The following HM13 variants were observed in gnomAD, a reference collection of about 807,000 sequenced individuals.
HM13 encodes histocompatibility minor 13, also known as signal peptide peptidase.
In HM13, 18 loss-of-function variants were observed where a neutral mutation model predicts 50.0. That is an observed-to-expected ratio of 0.36 (90% CI 0.25 to 0.53). The LOEUF (loss-of-function observed/expected upper bound fraction) is 0.53. HM13 is among the 20% of genes least tolerant of loss of function. The pLI is 0.90. For missense variants in HM13, 393 were observed against 552.4 expected (o/e 0.71, Z 2.89); for synonymous variants, 197 against 232.6 (o/e 0.85, Z 1.39).
intron 4 of HM13, 117 bp from the exon 5 acceptor site, chr20:31,548,912 C>T (rs112473950): frequency 3.3e-5 from 30 of 914,712 alleles, no homozygotes; most frequent in African/African-American, 4.9e-5. Flanking sequence ...GGCTTAGCCC[C>T]GCCAGCCTGT....
chr20:31,529,135 T>C (rs1442879317), intron 2 of HM13, among the ~76,000 whole-genome samples: 1 of 152,188 alleles, frequency 6.6e-6, no homozygotes, highest in Non-Finnish European at 1.5e-5. Flanking sequence ...TATTGTATTT[T>C]ATTTTTAGAG....
chr20:31,548,193 CAG>C (rs1317354951), intron 4 of HM13: 1 of 679,420 alleles, frequency 1.5e-6, no homozygotes, highest in Admixed American at 2.5e-5. Flanking sequence ...GAAAACAAAT[CAG>C]GGTGCTCTTA....
chr20:31,553,050 C>G (rs1416422914), intron 7 of HM13, among the ~76,000 whole-genome samples: 1 of 152,056 alleles, frequency 6.6e-6, no homozygotes, highest in Non-Finnish European at 1.5e-5. Flanking sequence ...GTAATCCCAG[C>G]ACTTTGGGAA....
intron 8 of HM13, among the ~76,000 whole-genome samples, chr20:31,558,269 C>A (rs564688396): frequency 3.3e-5 from 5 of 152,146 alleles, no homozygotes; most frequent in African/African-American, 4.8e-5. Context: ...TCCTGTGGAG[C>A]CTTCAAATAG....
intron 11 of HM13, 45 bp downstream of exon 11, chr20:31,566,340 C>T (rs373295891): frequency 2.4e-5 from 36 of 1,505,830 alleles, no homozygotes; most frequent in Admixed American, 1.3e-4. Flanking sequence ...CACCAGTGTG[C>T]CTGCTGGCAG....
chr20:31,554,776 G>A lies in HM13; in HGVS notation c.755G>A (p.Gly252Asp). The change falls in exon 8 of 13, where the codon GGC (glycine) becomes GAC (aspartate). Residue 252 changes from glycine to aspartate, a missense_variant. Transcript: ENST00000398174. ...LVFPQDLLEK[G>D]LEANNFAMLG... ...TTTCCCCAGGATCTGCTGGAGAAAG[G>A]CCTCGAAGCAAACAACTTTGCCATG... The A allele has an allele frequency of 6.2e-7, 1 of 1,614,178 alleles. No homozygotes were observed. Among genetic ancestry groups the A allele is most frequent in the Non-Finnish European group, 8.5e-7 (1 of 1,180,020 alleles).
At chr20:31,530,414 CT>C (rs11478596) in intron 2 of HM13, among the ~76,000 whole-genome samples, 43,332 of 143,356 alleles carry the variant, frequency 0.3, 9,818 homozygotes, top group African/African-American at 0.66. Flanking sequence ...TTCTTTCATT[CT>C]TTTTTTTTTT....
At chr20:31,563,751 G>A (rs1443153071) in intron 10 of HM13, among the ~76,000 whole-genome samples, 4 of 152,190 alleles carry the variant, frequency 2.6e-5, no homozygotes, top group Non-Finnish European at 2.9e-5. Context: ...AGACTTCTTT[G>A]TTCTCTGGCC....
intron 7 of HM13, among the ~76,000 whole-genome samples, chr20:31,551,156 T>C (rs981714449): frequency 5.9e-5 from 9 of 152,184 alleles, no homozygotes; most frequent in African/African-American, 2.2e-4. Flanking sequence ...GGTTGAACCA[T>C]TTCAGATATG....
rs896370398 is a variant in HM13 at position 31,516,637 on chromosome 20, G to T, written c.183+1903G>T. Among the ~76,000 whole-genome samples, 5 of 152,160 alleles carry T rather than the reference G, an allele frequency of 3.3e-5. No individual in the cohort carries two copies. In the East Asian group the frequency reaches 5.8e-4, roughly 18 times the overall value. ...CAGGTAAGCAGAGAGAGGTACGGAGGCAGGAGGCTACGAGGCAGTTCAGGA... is the reference window on the plus strand; with the variant it reads ...CAGGTAAGCAGAGAGAGGTACGGAGTCAGGAGGCTACGAGGCAGTTCAGGA... On this transcript the variant is annotated intron_variant, in intron 1 of 12. Coordinates refer to ENST00000398174, the MANE Select transcript of HM13 (RefSeq NM_178581.3).
intron 4 of HM13, 135 bp downstream of exon 4, chr20:31,545,170 C>T: frequency 2.8e-6 from 2 of 704,864 alleles, no homozygotes; most frequent in East Asian, 2.7e-5. Flanking sequence ...CCTGGATTCA[C>T]ATTCCAACTC....
At chr20:31,548,215 A>G (rs1983831029) in intron 4 of HM13, among the ~76,000 whole-genome samples, 1 of 152,190 alleles carries the variant, frequency 6.6e-6, no homozygotes, top group Admixed American at 6.5e-5. Flanking sequence ...ACCACAGATG[A>G]AAAAACAAAT....
intron 8 of HM13, among the ~76,000 whole-genome samples, chr20:31,555,949 G>C (rs1444035169): frequency 1.3e-5 from 2 of 151,940 alleles, no homozygotes; most frequent in Non-Finnish European, 2.9e-5. Flanking sequence ...CAGCTTGGGT[G>C]ACAGAGTGAG....
Position 31,534,125 on chromosome 20 carries a change from G to A in HM13, c.283-4054G>A, listed in dbSNP as rs536442576. Among the ~76,000 whole-genome samples the A allele has an allele frequency of 7.2e-5, 11 of 151,968 alleles. No individual in the cohort carries two copies. The South Asian group carries it at 1.7e-3, about 23-fold the overall frequency. On this transcript the variant is annotated intron_variant, in intron 2 of 12. Coordinates refer to ENST00000398174, the MANE Select transcript of HM13 (RefSeq NM_178581.3). ...ACTCCTGGCCTCATGCAATCCTCCC[G>A]CCTTGGCCTCCTAAAGTGCTGGGAT... is the stretch of plus-strand genomic sequence containing the variant.
chr20:31,562,727 T>TA, intron 10 of HM13: 1 of 152,348 alleles, frequency 6.6e-6, no homozygotes, highest in Non-Finnish European at 1.5e-5. Flanking sequence ...CTTTTGCTAA[T>TA]AACTCATTTA....
intron 12 of HM13, among the ~76,000 whole-genome samples, chr20:31,568,858 C>T (rs1985090819): frequency 6.6e-6 from 1 of 152,220 alleles, no homozygotes. Flanking sequence ...AAGCCCAGGC[C>T]CAACCTCTCT....
rs1016489938 is a variant in HM13, at chr20:31,559,484, C to T, written c.809-127C>T. The T allele has an allele frequency of 4.3e-5, 39 of 900,200 alleles. No individual in the cohort carries two copies. The Admixed American group carries it at 5.3e-4, about 12-fold the overall frequency. 55.8% of individuals were successfully genotyped at this position (900,200 alleles called of 1,614,324 possible). A position where few individuals can be genotyped will look rare whatever the true frequency, so the allele number is the denominator to read the frequency against. ...TTCTGCTGTCACTTGAGAGTATTGGCCACACCCTTGGTCTCCAATGATTGC... is the reference window on the plus strand; with the variant it reads ...TTCTGCTGTCACTTGAGAGTATTGGTCACACCCTTGGTCTCCAATGATTGC... On this transcript the variant is annotated intron_variant, in intron 8 of 12. Coordinates refer to ENST00000398174, the MANE Select transcript of HM13 (RefSeq NM_178581.3).
chr20:31,521,662 G>A lies in HM13; in HGVS notation c.184-5822G>A, dbSNP rs533963855. Among the ~76,000 whole-genome samples, 10 of 151,370 alleles carry A rather than the reference G, an allele frequency of 6.6e-5. No individual in the cohort carries two copies. The South Asian group carries it at 2.1e-3, about 32-fold the overall frequency. Reference sequence around the variant, plus strand: ...GAGAATTGCTTGAACCCAAGAGGCGGAGGTTGCAGTGAGCCAAGATTGCAC... The same window carrying A: ...GAGAATTGCTTGAACCCAAGAGGCGAAGGTTGCAGTGAGCCAAGATTGCAC... On this transcript the variant is annotated intron_variant, in intron 1 of 12. Coordinates refer to ENST00000398174, the MANE Select transcript of HM13 (RefSeq NM_178581.3).
chr20:31,564,439 T>C (rs1284956854), intron 10 of HM13, among the ~76,000 whole-genome samples: 2 of 152,020 alleles, frequency 1.3e-5, no homozygotes, highest in Admixed American at 1.3e-4. Flanking sequence ...TAGCCAGGCA[T>C]GGAGGCGCAC....
Sources: allele counts gnomAD v4.1 joint callset (sites outside exome capture counted in the v4.1 genomes callset), GRCh38; gene constraint gnomAD v4.1.1; transcripts MANE v1.5; gene names NCBI Gene and HGNC (gene_info 2026-07-23, HGNC 2026-07-21).